NFATC2: variants seen among roughly 807,000 people sequenced by gnomAD.
The protein encoded by NFATC2 is nuclear factor of activated T cells 2.
NFATC2 carries 22 observed loss-of-function variants against 87.3 expected under a neutral mutation model. The observed-to-expected ratio is 0.25, with a 90% CI of 0.18 to 0.36. NFATC2 has a LOEUF of 0.36. Ranked by LOEUF, NFATC2 falls within the 10% of genes least tolerant of loss-of-function variation. The pLI is 1.00. For synonymous variants in NFATC2, 565 were observed against 542.2 expected (o/e 1.04, Z -0.58); for missense variants, 1,149 against 1,259.1 (o/e 0.91, Z 1.32).
At chr20:51,445,774 G>C (rs1480174970) in intron 6 of NFATC2, among the ~76,000 whole-genome samples, 1 of 152,182 alleles carries the variant, frequency 6.6e-6, no homozygotes, top group Non-Finnish European at 1.5e-5. Flanking sequence ...GCCTGGCATG[G>C]CACTGCACAT....
At position 51,496,733 on chromosome 20, in the gene NFATC2, G is replaced by A. The variant is rs183352881; in HGVS notation, c.1332+20051C>T. ...ACAAAGCCAATAAGTGGCAGAACCA[G>A]GATTCAAACCCAGGTCATCCGGCTC... On this transcript the variant is annotated intron_variant, in intron 3 of 10. Coordinates refer to ENST00000371564, the MANE Select transcript of NFATC2 (RefSeq NM_012340.5). Among the ~76,000 whole-genome samples, 15 of 152,270 alleles carry A rather than the reference G, an allele frequency of 9.9e-5. No individual in the cohort carries two copies. The East Asian group carries it at 2.7e-3, about 27-fold the overall frequency.
chr20:51,474,151 T>C lies in NFATC2; in HGVS notation c.1537A>G (p.Ile513Val). Residue 513 changes from isoleucine to valine, a missense_variant and splice_region_variant, in exon 5 of 11, where the codon ATC becomes GTC. Coordinates refer to ENST00000371564, the MANE Select transcript of NFATC2 (RefSeq NM_012340.5). Reference protein sequence around the residue: ...LEPKNNMRATIDCAGILKLRN... With the variant: ...LEPKNNMRATVDCAGILKLRN... Reference sequence around the variant, plus strand: ...AGCTTCAAGATCCCCGCACAGTCGATGCTGCCAGGATGTTAAGAACCCCAT... The same window carrying C: ...AGCTTCAAGATCCCCGCACAGTCGACGCTGCCAGGATGTTAAGAACCCCAT... The C allele has an allele frequency of 1.2e-6, 2 of 1,614,056 alleles. No homozygotes were observed. The highest frequency in any genetic ancestry group is 1.7e-6 in the Non-Finnish European group (2 of 1,179,950).
In NFATC2 at chr20:51,391,354, G is replaced by A. The variant is rs917512393; in HGVS notation, c.*142C>T. 7 of 1,601,410 alleles carry A rather than the reference G, an allele frequency of 4.4e-6. No individual in the cohort carries two copies. In the African/African-American group the frequency reaches 6.7e-5, roughly 15 times the overall value. The stretch of plus-strand genomic sequence containing the variant: ...AAGGTGAGGGGCTGTGGAGGGCTCC[G>A]AGGGGTCAGATACAGAAGGTGTCTT... On this transcript the variant is annotated 3_prime_UTR_variant, in exon 11 of 11. Transcript: ENST00000371564.
At chr20:51,544,545 A>G (rs563972177), upstream of NFATC2, among the ~76,000 whole-genome samples, 1 of 152,264 alleles carries the variant, frequency 6.6e-6, no homozygotes, top group African/African-American at 2.4e-5. Context: ...CTGCCACAAG[A>G]TGTTGGGGAT....
chr20:51,540,661 T>TTTTTTTTTTTTG (rs2076799077), intron 1 of NFATC2, among the ~76,000 whole-genome samples: 1 of 125,320 alleles, frequency 8.0e-6, no homozygotes, highest in Non-Finnish European at 1.7e-5. Flanking sequence ...TTTTTTTGTT[T>TTTTTTTTTTTTG]TTTTTTTTTT....
intron 1 of NFATC2, among the ~76,000 whole-genome samples, chr20:51,525,518 GCCAC>G (rs1490292227): frequency 1.3e-5 from 2 of 150,842 alleles, no homozygotes; most frequent in Non-Finnish European, 3.0e-5. Context: ...CGGAGTTAGT[GCCAC>G]CCACCCACCC....
At chr20:51,508,756 C>A (rs2076226161) in intron 3 of NFATC2, among the ~76,000 whole-genome samples, 1 of 152,126 alleles carries the variant, frequency 6.6e-6, no homozygotes, top group South Asian at 2.1e-4. Flanking sequence ...ACAGATGCCA[C>A]CCCTCTTGCA....
intron 9 of NFATC2, among the ~76,000 whole-genome samples, chr20:51,413,618 A>G (rs992059974): frequency 2.0e-5 from 3 of 152,214 alleles, no homozygotes; most frequent in South Asian, 2.1e-4. Flanking sequence ...AACAGCCAGG[A>G]GTGGTGGCAC....
In NFATC2 at chr20:51,432,150, G is replaced by C. The variant is rs55980737; in HGVS notation, c.2639C>G (p.Pro880Arg). 6.3e-7 allele frequency: 1 copy of C among 1,599,286 alleles called. No individual in the cohort carries two copies. Among genetic ancestry groups the C allele is most frequent in the Admixed American group, 1.7e-5 (1 of 59,266 alleles). The change falls in exon 9 of 11, where the codon CCG becomes CGG. Residue 880 changes from proline to arginine, a missense_variant. This residue lies in a region of NFATC2 where 581 missense variants were observed against 649.7 expected (regional missense o/e 0.89). Transcript: ENST00000371564. The surrounding 1 kb of genome is among the most constrained non-coding windows in gnomAD (Gnocchi z 4.6). ...TSQRAAKNGP[P>R]VSDQKEVLPA... Reference sequence around the variant, plus strand: ...TAATACTTCCTTTTGGTCACTGACCGGGGGTCCGTTTTTGGCGGCTCTTTG... The same window carrying C: ...TAATACTTCCTTTTGGTCACTGACCCGGGGTCCGTTTTTGGCGGCTCTTTG...
At chr20:51,404,785 C>A (rs533124089) in intron 9 of NFATC2, among the ~76,000 whole-genome samples, 4 of 152,194 alleles carry the variant, frequency 2.6e-5, no homozygotes, top group African/African-American at 9.7e-5. Flanking sequence ...GGCCTCACTG[C>A]GCCCTAGTGT....
At chr20:51,484,581 G>A (rs892046815) in intron 3 of NFATC2, among the ~76,000 whole-genome samples, 7 of 152,190 alleles carry the variant, frequency 4.6e-5, no homozygotes, top group African/African-American at 1.2e-4. Flanking sequence ...GGGAGGGGCC[G>A]GAGCAGCTGC....
chr20:51,430,688 G>C (rs889110162), intron 9 of NFATC2, among the ~76,000 whole-genome samples: 1 of 152,140 alleles, frequency 6.6e-6, no homozygotes, highest in Non-Finnish European at 1.5e-5. Flanking sequence ...AGAGCCCCCA[G>C]ATAACCTGGC....
At chr20:51,513,073 T>C (rs1417634644) in intron 3 of NFATC2, among the ~76,000 whole-genome samples, 1 of 152,180 alleles carries the variant, frequency 6.6e-6, no homozygotes, top group African/African-American at 2.4e-5. Context: ...TTAGCATGAC[T>C]TATTTTGAAA....
rs1002179815 is a variant in NFATC2, at chr20:51,524,327, C to T, written c.131-217G>A. ...AAGACAGGTCGAAGCAGAATGAGTT[C>T]TGGAAGACCCCTGGGCTAAGGGCCT... On this transcript the variant is annotated intron_variant, in intron 1 of 10. Coordinates refer to ENST00000371564, the MANE Select transcript of NFATC2 (RefSeq NM_012340.5). The surrounding 1 kb of genome is among the most constrained non-coding windows in gnomAD (Gnocchi z 4.0). Among the ~76,000 whole-genome samples the T allele has an allele frequency of 6.6e-6, 1 of 152,172 alleles. No homozygotes were observed. The highest frequency in any genetic ancestry group is 6.5e-5 in the Admixed American group (1 of 15,284).
At chr20:51,490,488 T>C (rs1426164241) in intron 3 of NFATC2, among the ~76,000 whole-genome samples, 1 of 152,232 alleles carries the variant, frequency 6.6e-6, no homozygotes, top group Non-Finnish European at 1.5e-5. Flanking sequence ...TTATTCCTGA[T>C]CTTCTACTGG....
chr20:51,495,365 GA>G (rs1411143696), intron 3 of NFATC2, among the ~76,000 whole-genome samples: 16 of 152,324 alleles, frequency 1.1e-4, no homozygotes, highest in African/African-American at 3.4e-4. Context: ...TGGGATTATA[GA>G]CATGAGCCAG....
intron 3 of NFATC2, among the ~76,000 whole-genome samples, chr20:51,514,829 C>T (rs2076326064): frequency 2.0e-5 from 3 of 152,186 alleles, no homozygotes; most frequent in Non-Finnish European, 4.4e-5. Flanking sequence ...GCCAAGATTA[C>T]ACCACTGCAC....
In NFATC2 at chr20:51,387,253, C is replaced by T. The variant is rs1244185822; in HGVS notation, c.*4243G>A. 6.6e-6 allele frequency: 1 copy of T among 152,150 alleles called. No individual in the cohort carries two copies. Among genetic ancestry groups the T allele is most frequent in the Admixed American group, 6.5e-5 (1 of 15,280 alleles). 9.4% of individuals were successfully genotyped at this position (152,150 alleles called of 1,614,324 possible). The stretch of plus-strand genomic sequence containing the variant: ...GATGTCCAGGATGCTAAGCTTGTCC[C>T]AACAGCCATAGCCTCGGTCTGCTCA... On this transcript the variant is annotated 3_prime_UTR_variant, in exon 11 of 11. Transcript: ENST00000371564.
intron 6 of NFATC2, among the ~76,000 whole-genome samples, chr20:51,443,035 T>G (rs894557155): frequency 6.6e-6 from 1 of 152,186 alleles, no homozygotes; most frequent in Non-Finnish European, 1.5e-5. Context: ...CACACTGGCC[T>G]TCTCTCTCCC....
Sources: gnomAD v4.1 joint callset for allele counts (sites outside exome capture counted in the v4.1 genomes callset) on GRCh38, gnomAD v4.1.1 for gene constraint, gnomAD v4.1.1 regional missense constraint, Gnocchi (gnomAD v3.1) non-coding constraint, MANE v1.5 for transcripts, NCBI Gene and HGNC (gene_info 2026-07-23, HGNC 2026-07-21) for gene names.